Variants in KLF8 observed in about 807,000 individuals in gnomAD.
KLF8 encodes Krueppel-like factor 8.
Under a neutral mutation model 18.2 loss-of-function variants are expected in KLF8, and 10 were observed. That is an observed-to-expected ratio of 0.55 (90% CI 0.34 to 0.93). The LOEUF is 0.93. Among genes scored for constraint, KLF8 ranks in the 40% least tolerant of loss-of-function variants. The pLI, the probability that KLF8 is intolerant of heterozygous loss-of-function variation, is 0.02. For missense variants in KLF8, 264 were observed against 277.9 expected, an observed-to-expected ratio of 0.95 and a Z score of 0.36; for synonymous variants, 109 against 97.3, an observed-to-expected ratio of 1.12 and a Z score of -0.71.
intron 1 of KLF8, among the ~76,000 whole-genome samples, chrX:56,242,692 G>C (rs2147581912): frequency 9.0e-6 from 1 of 111,604 alleles, no homozygotes; most frequent in South Asian, 3.8e-4. Context: ...TGTAATACTA[G>C]ATTTCAGTCT....
chrX:56,163,057 G>A, the KLF8 span, among the ~76,000 whole-genome samples: 206 of 112,300 alleles, frequency 1.8e-3, 4 homozygotes, highest in East Asian at 0.046. Flanking sequence ...GTAAACACAT[G>A]CATGTATGTG....
chrX:56,216,191 C>T, the KLF8 span, among the ~76,000 whole-genome samples: 147 of 110,071 alleles, frequency 1.3e-3, 1 homozygote, highest in African/African-American at 4.7e-3. Context: ...AGTTGTAATC[C>T]TTTATTGCTG....
the KLF8 span, among the ~76,000 whole-genome samples, chrX:56,014,347 A>G: frequency 8.9e-6 from 1 of 112,560 alleles, no homozygotes; most frequent in South Asian, 3.7e-4. Flanking sequence ...AAAAGAACAC[A>G]TACATGTGGC....
chrX:56,069,544 C>A, the KLF8 span, among the ~76,000 whole-genome samples: 3 of 112,101 alleles, frequency 2.7e-5, no homozygotes, highest in Non-Finnish European at 5.6e-5. Context: ...TCCCCACCCA[C>A]CCCCACTGCT....
chrX:55,939,301 G>T, the KLF8 span, among the ~76,000 whole-genome samples: 1 of 111,697 alleles, frequency 9.0e-6, no homozygotes, highest in African/African-American at 3.3e-5. Flanking sequence ...AATGAAGGCA[G>T]AAATAAAGAT....
chrX:56,057,574 C>A, the KLF8 span, among the ~76,000 whole-genome samples: 1 of 111,492 alleles, frequency 9.0e-6, no homozygotes, highest in East Asian at 2.8e-4. Context: ...AAACGTTTCA[C>A]CAGCACAGAA....
At chrX:56,034,956 C>T in the KLF8 span, among the ~76,000 whole-genome samples, 4 of 108,072 alleles carry the variant, frequency 3.7e-5, no homozygotes, top group Non-Finnish European at 7.7e-5. Context: ...GGGGTTTCAC[C>T]GTGTTAGCCA....
chrX:56,187,712 AT>A, the KLF8 span, among the ~76,000 whole-genome samples: 1 of 109,419 alleles, frequency 9.1e-6, no homozygotes, highest in Non-Finnish European at 1.9e-5. Flanking sequence ...TGCAAGGCTG[AT>A]TCAATATATG....
At chrX:56,003,566 C>T in the KLF8 span, among the ~76,000 whole-genome samples, 2 of 111,111 alleles carry the variant, frequency 1.8e-5, no homozygotes, top group Admixed American at 1.9e-4. Context: ...ATTGAGAGAA[C>T]AGGAAAACAT....
chrX:56,151,662 AT>A, the KLF8 span, among the ~76,000 whole-genome samples: 1 of 111,189 alleles, frequency 9.0e-6, no homozygotes, highest in East Asian at 2.9e-4. Flanking sequence ...CATGAGTTCA[AT>A]TTTGAACCAG....
chrX:56,224,291 T>C, the KLF8 span, among the ~76,000 whole-genome samples: 5 of 111,691 alleles, frequency 4.5e-5, no homozygotes, highest in African/African-American at 1.6e-4. Context: ...CCTAGGTAAA[T>C]GAACAGTATG....
At chrX:56,164,783 G>T in the KLF8 span, among the ~76,000 whole-genome samples, 1 of 72,936 alleles carries the variant, frequency 1.4e-5, no homozygotes, top group African/African-American at 5.4e-5. Flanking sequence ...TTAAGTTTTA[G>T]GGTACATGTG....
At chrX:56,190,349 A>G in the KLF8 span, among the ~76,000 whole-genome samples, 6 of 111,530 alleles carry the variant, frequency 5.4e-5, no homozygotes, top group Non-Finnish European at 1.1e-4. Context: ...CATTAGAGCT[A>G]AAAAAGAGAT....
the KLF8 span, among the ~76,000 whole-genome samples, chrX:56,104,887 T>C: frequency 4.5e-5 from 5 of 112,083 alleles, no homozygotes; most frequent in East Asian, 1.4e-3. Flanking sequence ...CTGCTTTAAA[T>C]GTGTCCCAGA....
chrX:56,099,232 G>A, the KLF8 span, among the ~76,000 whole-genome samples: 1 of 110,968 alleles, frequency 9.0e-6, no homozygotes, highest in Non-Finnish European at 1.9e-5. Context: ...TATCTGTTAC[G>A]GTGATCTGTG....
At chrX:56,250,429 G>A in intron 2 of KLF8, 125 bp downstream of exon 2, 1 of 512,914 alleles carries the variant, frequency 1.9e-6, no homozygotes, top group Non-Finnish European at 3.3e-6. Flanking sequence ...AAGAGGTGAA[G>A]GAAGACATAT....
At chrX:55,998,677 A>G in the KLF8 span, among the ~76,000 whole-genome samples, 1 of 111,282 alleles carries the variant, frequency 9.0e-6, no homozygotes, top group African/African-American at 3.3e-5. Flanking sequence ...TCCCATGTCT[A>G]CTTCTTTCTA....
chrX:55,921,228 G>A, the KLF8 span, among the ~76,000 whole-genome samples: 3 of 112,099 alleles, frequency 2.7e-5, no homozygotes, highest in African/African-American at 9.7e-5. Context: ...CAGGTGTAAG[G>A]AAGGGGTCCA....
chrX:56,178,431 G>T, the KLF8 span, among the ~76,000 whole-genome samples: 4 of 111,935 alleles, frequency 3.6e-5, no homozygotes, highest in Non-Finnish European at 7.5e-5. Context: ...CATCCTGTAG[G>T]TTGCCTGTTC....
Sources: allele counts gnomAD v4.1 joint callset (sites outside exome capture counted in the v4.1 genomes callset), GRCh38; gene constraint gnomAD v4.1.1; transcripts MANE v1.5; gene names NCBI Gene and HGNC (gene_info 2026-07-23, HGNC 2026-07-21).